The following TTN variants were observed in gnomAD, a reference collection of about 807,000 sequenced individuals.
TTN encodes the protein connectin.
TTN carries 1,525 observed loss-of-function variants against 3,223.0 expected under a neutral mutation model. That is an observed-to-expected ratio of 0.47 (90% CI 0.45 to 0.49). TTN has a LOEUF of 0.49. Ranked by LOEUF, TTN falls within the 20% of genes least tolerant of loss-of-function variation. The probability of loss-of-function intolerance (pLI) is 0.00; values close to 1 mark genes in which losing one functional copy is unlikely to be tolerated. For missense variants in TTN, 40,786 were observed against 43,424.0 expected (o/e 0.94, Z 5.40); for synonymous variants, 14,094 against 15,161.0 (o/e 0.93, Z 5.17).
At chr2:178,677,453 A>G in intron 146 of TTN, 166 bp from the exon 147 acceptor site, 1 of 725,342 alleles carries the variant, frequency 1.4e-6, no homozygotes, top group South Asian at 3.3e-5. Flanking sequence ...ACAGATACAC[A>G]AGGCAGATAC....
At chr2:178,778,264 A>G in intron 24 of TTN, 1 of 399,062 alleles carries the variant, frequency 2.5e-6, no homozygotes. Flanking sequence ...TACCACTTGG[A>G]TTTAATCAGT....
chr2:178,640,365 G>A (rs1234616328), intron 221 of TTN, among the ~76,000 whole-genome samples, 176 bp downstream of exon 221: 1 of 151,696 alleles, frequency 6.6e-6, no homozygotes, highest in African/African-American at 2.4e-5. Flanking sequence ...AACTTATTTA[G>A]CAACTGAGTA....
intron 47 of TTN, chr2:178,746,086 A>T: frequency 6.2e-7 from 1 of 1,613,450 alleles, no homozygotes; most frequent in East Asian, 2.2e-5. Flanking sequence ...TTCGAATTTT[A>T]AGAGTGTGAC....
Position 178,530,330 on chromosome 2 carries a change from T to C in TTN, c.106285A>G (p.Thr35429Ala). The C allele has an allele frequency of 6.2e-7, 1 of 1,614,022 alleles. No homozygotes were observed. Among genetic ancestry groups the C allele is most frequent in the Non-Finnish European group, 8.5e-7 (1 of 1,179,878 alleles). The change falls in exon 358 of 363, where the codon ACA becomes GCA. Residue 35429 changes from threonine (T) to alanine (A), a missense_variant. Transcript: ENST00000589042. ...KPVIVTGLQD[T>A]TVSSDSVAKF... ...GCAACACTGTCTGAAGAAACAGTTG[T>C]ATCCTGCAACCCAGTAACAATTACT... is the stretch of plus-strand genomic sequence containing the variant.
Position 178,741,144 on chromosome 2 carries a change from A to G in TTN, c.12089T>C (p.Leu4030Pro). The change falls in exon 48 of 363, where the codon CTG becomes CCG. Residue 4030 changes from leucine to proline, a missense_variant. Leu to Pro is a moderately conservative substitution (Grantham distance 98). Transcript: ENST00000589042. ...STCAAELLVL[L>P]EDTDMTDTPC... ...GGTATCAGTCATGTCTGTGTCTTCCAGAAGCACAAGCAGCTCTGCTGCACA... is the reference window on the plus strand; with the variant it reads ...GGTATCAGTCATGTCTGTGTCTTCCGGAAGCACAAGCAGCTCTGCTGCACA... The G allele has an allele frequency of 6.2e-7, 1 of 1,613,648 alleles. No homozygotes were observed. Among genetic ancestry groups the G allele is most frequent in the Middle Eastern group, 1.7e-4 (1 of 6,058 alleles).
chr2:178,626,358 C>T (rs370335317), intron 240 of TTN, among the ~76,000 whole-genome samples: 28 of 152,000 alleles, frequency 1.8e-4, no homozygotes, highest in African/African-American at 6.3e-4. Context: ...GTCAATGGTG[C>T]GACAGATAGG....
Position 178,599,709 on chromosome 2 carries a change from G to T in TTN, c.56192C>A (p.Pro18731His). The change falls in exon 289 of 363, where the codon CCT (proline) becomes CAT (histidine). Residue 18731 changes from proline to histidine, a missense_variant. Coordinates refer to ENST00000589042, the MANE Select transcript of TTN (RefSeq NM_001267550.2). The part of the protein sequence containing the change: ...APPKKPDNKE[P>H]VLYDTHVNKL... Reference sequence around the variant, plus strand: ...GTTGACATGGGTGTCATAGAGAACAGGTTCTTTGTTATCAGGCTTCTTTGG... The same window carrying T: ...GTTGACATGGGTGTCATAGAGAACATGTTCTTTGTTATCAGGCTTCTTTGG... 1 of 1,613,034 alleles carries T rather than the reference G, an allele frequency of 6.2e-7. No individual in the cohort carries two copies. Among genetic ancestry groups the T allele is most frequent in the Non-Finnish European group, 8.5e-7 (1 of 1,179,354 alleles).
Position 178,577,630 on chromosome 2 carries a change from T to C in TTN, c.68796A>G (p.Thr22932=). 1 of 1,611,780 alleles carries C rather than the reference T, an allele frequency of 6.2e-7. No individual in the cohort carries two copies. ...AGAISAPSES[T]ETIICKDEYE... is the part of the protein sequence containing the mutation. Reference sequence around the variant, plus strand: ...ATTCATCCTTGCAAATAATGGTTTCTGTACTTTCTGATGGAGCACTGATAG... The same window carrying C: ...ATTCATCCTTGCAAATAATGGTTTCCGTACTTTCTGATGGAGCACTGATAG... Residue 22932 remains threonine, a synonymous_variant, in exon 323 of 363, where the codon ACA becomes ACG. Coordinates refer to ENST00000589042, the MANE Select transcript of TTN (RefSeq NM_001267550.2).
Position 178,574,215 on chromosome 2 carries a change from T to C in TTN, c.71917A>G (p.Lys23973Glu), listed in dbSNP as rs1709270995. 3 of 1,613,468 alleles carry C rather than the reference T, an allele frequency of 1.9e-6. No individual in the cohort carries two copies. The highest frequency in any genetic ancestry group is 1.7e-6 in the Non-Finnish European group (2 of 1,179,572). ...KRDLPNGRWL[K>E]ANFSNILENE... The stretch of plus-strand genomic sequence containing the variant: ...TCCAAAATGTTGCTGAAGTTGGCCT[T>C]CAGCCACCGTCCATTAGGAAGGTCT... The change falls in exon 326 of 363, where the codon AAG (lysine) becomes GAG (glutamate). Residue 23973 changes from lysine (K) to glutamate (E), a missense_variant. Lys to Glu is a moderately conservative substitution (Grantham distance 56). Coordinates refer to ENST00000589042, the MANE Select transcript of TTN (RefSeq NM_001267550.2).
At chr2:178,540,851 G>C (rs1575376191) in intron 350 of TTN, among the ~76,000 whole-genome samples, 2 of 152,154 alleles carry the variant, frequency 1.3e-5, no homozygotes, top group South Asian at 4.1e-4. Flanking sequence ...CATTTTATCA[G>C]CTAAAAATAC....
Position 178,530,349 on chromosome 2 carries a change from A to G in TTN, c.106266T>C (p.Ile35422=). The change falls in exon 358 of 363, where the codon ATT becomes ATC. Residue 35422 remains isoleucine (I), a synonymous_variant. Transcript: ENST00000589042. Reference sequence around the variant, plus strand: ...CAGTTGTATCCTGCAACCCAGTAACAATTACTGGTTTTGAGGAAATTGGTT... The same window carrying G: ...CAGTTGTATCCTGCAACCCAGTAACGATTACTGGTTTTGAGGAAATTGGTT... The part of the protein sequence containing the change: ...APEPISSKPV[I]VTGLQDTTVS... 1 of 1,613,924 alleles carries G rather than the reference A, an allele frequency of 6.2e-7. No individual in the cohort carries two copies. Among genetic ancestry groups the G allele is most frequent in the Non-Finnish European group, 8.5e-7 (1 of 1,179,836 alleles).
At position 178,573,570 on chromosome 2, in the gene TTN, A is replaced by G; in HGVS notation, c.72562T>C (p.Leu24188=). ...QVTKLKVTKL[L]KGNEYIFRVM... ...CGGAATATGTATTCATTGCCTTTCA[A>G]GAGTTTAGTGACCTTTAGCTTTGTT... The change falls in exon 326 of 363, where the codon TTG becomes CTG. Residue 24188 remains leucine, a synonymous_variant. Transcript: ENST00000589042. 6.7e-7 allele frequency: 1 copy of G among 1,497,184 alleles called. No individual in the cohort carries two copies. Among genetic ancestry groups the G allele is most frequent in the Non-Finnish European group, 8.9e-7 (1 of 1,126,114 alleles). The allele number at this position is 1,497,184 out of a possible 1,614,324, so 92.7% of individuals were successfully genotyped here.
At chr2:178,745,918 C>T (rs1332965463) in intron 47 of TTN, 2 of 1,608,800 alleles carry the variant, frequency 1.2e-6, no homozygotes, top group Non-Finnish European at 1.7e-6. Context: ...TCTTTAAGAC[C>T]AATTCTTCCA....
At position 178,764,245 on chromosome 2, in the gene TTN, G is replaced by T. The variant is rs727503678; in HGVS notation, c.10046C>A (p.Thr3349Asn). 6.2e-7 allele frequency: 1 copy of T among 1,614,006 alleles called. No homozygotes were observed. Among genetic ancestry groups the T allele is most frequent in the Non-Finnish European group, 8.5e-7 (1 of 1,179,996 alleles). Residue 3349 changes from threonine (T) to asparagine (N), a missense_variant, in exon 43 of 363, where the codon ACC (threonine) becomes AAC (asparagine). Physicochemically the swap from Thr to Asn is moderately conservative, Grantham distance 65. Coordinates refer to ENST00000589042, the MANE Select transcript of TTN (RefSeq NM_001267550.2). ...AGAAGTGACAGTGTCCTGAAGCGGG[G>T]TGATGATGGCAGGTGGATAAACAGG... Reference protein sequence around the residue: ...EMPVYPPAIITPLQDTVTSEG... With the variant: ...EMPVYPPAIINPLQDTVTSEG...
chr2:178,592,298 GT>G (rs773771538), intron 301 of TTN, 21 bp from the exon 302 acceptor site: 1 of 1,602,346 alleles, frequency 6.2e-7, no homozygotes, highest in African/African-American at 1.4e-5. Context: ...TTAAATAACA[GT>G]TTGATAAGTA....
intron 78 of TTN, 128 bp from the exon 79 acceptor site, chr2:178,721,330 G>A: frequency 1.3e-6 from 1 of 783,158 alleles, no homozygotes; most frequent in Non-Finnish European, 1.7e-6. Context: ...TACTTTCTGA[G>A]GATTTTACAG....
chr2:178,539,217 T>G lies in TTN; in HGVS notation c.98718A>C (p.Val32906=). 6.2e-7 allele frequency: 1 copy of G among 1,613,760 alleles called. No homozygotes were observed. ...PPEPPSNPPE[V]LDVTKSSVSL... is the part of the protein sequence containing the mutation. ...TAACAGAACTCTTGGTTACATCGAG[T>G]ACTTCTGGAGGATTGCTTGGAGGTT... The change falls in exon 353 of 363, where the codon GTA becomes GTC. Residue 32906 remains valine, a synonymous_variant. Transcript: ENST00000589042.
intron 13 of TTN, among the ~76,000 whole-genome samples, chr2:178,788,417 G>C (rs140749535): frequency 6.6e-5 from 10 of 152,066 alleles, no homozygotes; most frequent in Non-Finnish European, 1.3e-4. Flanking sequence ...ATGTTGCATA[G>C]TGGAATTTCT....
chr2:178,632,487 A>G (rs747736171), intron 235 of TTN, 39 bp downstream of exon 235: 1 of 1,591,824 alleles, frequency 6.3e-7, no homozygotes, highest in East Asian at 2.2e-5. Flanking sequence ...AAGGCAAAAA[A>G]AATGATTTTG....
Sources: allele counts gnomAD v4.1 joint callset (sites outside exome capture counted in the v4.1 genomes callset), GRCh38; gene constraint gnomAD v4.1.1; transcripts MANE v1.5; gene names NCBI Gene and HGNC (gene_info 2026-07-23, HGNC 2026-07-21).